The following CFDP1 variants were observed in gnomAD, a reference collection of about 807,000 sequenced individuals.
The protein encoded by CFDP1 is heterochromatin-stabilizing protein CFDP1.
In CFDP1, 31 loss-of-function variants were observed where a neutral mutation model predicts 40.1. That is an observed-to-expected ratio of 0.77 (90% confidence interval 0.58 to 1.04). CFDP1 has a LOEUF of 1.04. Ranked by LOEUF, CFDP1 falls within the 50% of genes least tolerant of loss-of-function variation. The pLI is 0.00. For synonymous variants in CFDP1, 167 were observed against 120.0 expected (o/e 1.39, Z -2.56); for missense variants, 423 against 343.4 (o/e 1.23, Z -1.83).
intron 5 of CFDP1, among the ~76,000 whole-genome samples, chr16:75,369,942 A>G (rs1048055722): frequency 1.3e-5 from 2 of 151,518 alleles, no homozygotes; most frequent in African/African-American, 4.9e-5. Context: ...TATTATTATT[A>G]TTATTATTTT....
chr16:75,384,373 A>C (rs2078875557), intron 5 of CFDP1, among the ~76,000 whole-genome samples: 1 of 152,166 alleles, frequency 6.6e-6, no homozygotes, highest in South Asian at 2.1e-4. Flanking sequence ...AAAAAAGAGA[A>C]AGAAAAGAGG....
intron 4 of CFDP1, among the ~76,000 whole-genome samples, chr16:75,411,019 G>A (rs2079157801): frequency 6.6e-6 from 1 of 151,430 alleles, no homozygotes. Flanking sequence ...AGGAGTTCAA[G>A]ACCAGCCTGG....
intron 5 of CFDP1, among the ~76,000 whole-genome samples, chr16:75,378,982 C>T (rs2078828002): frequency 6.6e-6 from 1 of 151,886 alleles, no homozygotes; most frequent in Non-Finnish European, 1.5e-5. Context: ...TGGAACAATA[C>T]ACTTCTAAAT....
At chr16:75,429,853 T>C (rs1046936704) in intron 1 of CFDP1, among the ~76,000 whole-genome samples, 6 of 152,116 alleles carry the variant, frequency 3.9e-5, no homozygotes, top group African/African-American at 1.4e-4. Context: ...TGTCAAGTAT[T>C]TGAAGAGAAT....
chr16:75,380,413 G>T (rs2078843046), intron 5 of CFDP1, among the ~76,000 whole-genome samples: 1 of 152,112 alleles, frequency 6.6e-6, no homozygotes, highest in African/African-American at 2.4e-5. Flanking sequence ...GGTGGGGTGG[G>T]GGAAGACAGT....
chr16:75,316,009 CT>C (rs2078321283), intron 5 of CFDP1, among the ~76,000 whole-genome samples: 1 of 152,122 alleles, frequency 6.6e-6, no homozygotes, highest in Non-Finnish European at 1.5e-5. Flanking sequence ...TCTTCAGTGT[CT>C]TGTTAATTTT....
At position 75,309,839 on chromosome 16, in the gene CFDP1, A is replaced by AAAAC. The variant is rs1448967357; in HGVS notation, c.651-4658_651-4657insGTTT. On this transcript the variant is annotated intron_variant, in intron 5 of 6. Coordinates refer to ENST00000283882, the MANE Select transcript of CFDP1 (RefSeq NM_006324.3). ...CATCTCAAAAAAAAAAAAAAAAAAA[A>AAAAC]AAAAAACCAATCCAGTTCCAGACCA... 1.3e-5 allele frequency among the ~76,000 whole-genome samples: 2 copies of AAAAC among 150,776 alleles called. 1 individual carries two copies. The highest frequency in any genetic ancestry group is 4.9e-5 in the African/African-American group (2 of 41,116).
chr16:75,339,477 G>T (rs995958867), intron 5 of CFDP1, among the ~76,000 whole-genome samples: 3 of 145,406 alleles, frequency 2.1e-5, no homozygotes, highest in Non-Finnish European at 4.5e-5. Flanking sequence ...TCTTCAGTTT[G>T]GTGTTTCTTT....
rs145792532 is a variant in CFDP1 at position 75,345,761 on chromosome 16, G to A, written c.651-40579C>T. Among the ~76,000 whole-genome samples the A allele has an allele frequency of 4.4e-3, 674 of 152,296 alleles. 3 individuals carry two copies. Among genetic ancestry groups the A allele is most frequent in the African/African-American group, 0.015 (622 of 41,546 alleles). ...ACAAAAGATCATTTGTTTTCTTACT[G>A]TGATCAGTTAGACCACCATGAGGAA... On this transcript the variant is annotated intron_variant, in intron 5 of 6. Transcript: ENST00000283882.
intron 5 of CFDP1, among the ~76,000 whole-genome samples, chr16:75,383,521 T>A (rs977981540): frequency 6.6e-6 from 1 of 152,118 alleles, no homozygotes; most frequent in African/African-American, 2.4e-5. Context: ...TTGCAAAGGA[T>A]CAATAAGATA....
intron 5 of CFDP1, among the ~76,000 whole-genome samples, chr16:75,325,729 A>G (rs2078396555): frequency 6.6e-6 from 1 of 152,248 alleles, no homozygotes; most frequent in Non-Finnish European, 1.5e-5. Context: ...TTGGGAAACC[A>G]TATCAATGTC....
chr16:75,403,281 C>T (rs577209453), intron 4 of CFDP1, among the ~76,000 whole-genome samples: 1 of 152,272 alleles, frequency 6.6e-6, no homozygotes, highest in East Asian at 1.9e-4. Context: ...TTCAGTGGCA[C>T]GATCTCAGCA....
chr16:75,419,202 TAA>T (rs2079247860), intron 1 of CFDP1: 1 of 169,284 alleles, frequency 5.9e-6, no homozygotes, highest in Non-Finnish European at 1.3e-5. Context: ...ACCTGAACAT[TAA>T]AACAGGTAAT....
chr16:75,336,530 C>T (rs901538649), intron 5 of CFDP1, among the ~76,000 whole-genome samples: 1 of 152,268 alleles, frequency 6.6e-6, no homozygotes, highest in Non-Finnish European at 1.5e-5. Context: ...CACATACAAA[C>T]AATGCATATA....
intron 5 of CFDP1, among the ~76,000 whole-genome samples, chr16:75,306,992 C>T (rs1352260408): frequency 6.6e-6 from 1 of 151,866 alleles, no homozygotes; most frequent in East Asian, 1.9e-4. Context: ...AATCTTTTTC[C>T]TTCTCATCTT....
intron 5 of CFDP1, among the ~76,000 whole-genome samples, chr16:75,378,462 CT>C (rs2078822000): frequency 6.6e-6 from 1 of 151,982 alleles, no homozygotes; most frequent in Non-Finnish European, 1.5e-5. Flanking sequence ...AGGATAAGAA[CT>C]AAATTTCCAC....
intron 4 of CFDP1, among the ~76,000 whole-genome samples, chr16:75,411,451 T>G (rs2079161916): frequency 6.6e-6 from 1 of 152,170 alleles, no homozygotes; most frequent in African/African-American, 2.4e-5. Context: ...TCTCTCCTTG[T>G]ATTTTCAATT....
chr16:75,413,009 T>C (rs1443611600), intron 2 of CFDP1, among the ~76,000 whole-genome samples: 1 of 151,780 alleles, frequency 6.6e-6, no homozygotes, highest in Non-Finnish European at 1.5e-5. Flanking sequence ...AGCGTTCTCC[T>C]TCTAAATCAG....
intron 5 of CFDP1, among the ~76,000 whole-genome samples, chr16:75,351,585 A>C (rs1412853044): frequency 6.6e-6 from 1 of 152,236 alleles, no homozygotes; most frequent in African/African-American, 2.4e-5. Context: ...TCAAATGTTT[A>C]AATTCATGAG....
Sources: allele counts gnomAD v4.1 joint callset (sites outside exome capture counted in the v4.1 genomes callset), GRCh38; gene constraint gnomAD v4.1.1; transcripts MANE v1.5; gene names NCBI Gene and HGNC (gene_info 2026-07-23, HGNC 2026-07-21).